Variants in SHC3 observed in about 807,000 individuals in gnomAD.
SHC3 encodes SHC adaptor protein 3.
Under a neutral mutation model 60.4 loss-of-function variants are expected in SHC3, and 15 were observed. That is an observed-to-expected ratio of 0.25 (90% confidence interval 0.17 to 0.38). SHC3 has a LOEUF of 0.38. Ranked by LOEUF, SHC3 falls within the 10% of genes least tolerant of loss-of-function variation. The probability of loss-of-function intolerance (pLI) is 1.00; values close to 1 mark genes in which losing one functional copy is unlikely to be tolerated. For missense variants in SHC3, 677 were observed against 786.1 expected (o/e 0.86, Z 1.66); for synonymous variants, 294 against 325.9 (o/e 0.90, Z 1.05).
intron 1 of SHC3, among the ~76,000 whole-genome samples, chr9:89,126,527 G>C (rs1269663592): frequency 6.6e-6 from 1 of 152,178 alleles, no homozygotes; most frequent in African/African-American, 2.4e-5. Context: ...GGGGAAACTT[G>C]AGAGCTGATG....
rs1023187853 is a variant in SHC3, at chr9:89,013,690, G to A, written c.1657-115C>T. On this transcript the variant is annotated intron_variant, in intron 11 of 11. Coordinates refer to ENST00000375835, the MANE Select transcript of SHC3 (RefSeq NM_016848.6). ...CTGGCCCAGAAGGAAAGGAGGGGGG[G>A]ACAAGGGGCTTCCACCACTTTAGAG... 4.2e-6 allele frequency: 6 copies of A among 1,421,674 alleles called. No individual in the cohort carries two copies. The African/African-American group carries it at 5.8e-5, about 14-fold the overall frequency. The allele number at this position is 1,421,674 out of a possible 1,614,324, so 88.1% of individuals were successfully genotyped here. A position where few individuals can be genotyped will look rare whatever the true frequency, so the allele number is the denominator to read the frequency against.
At chr9:89,177,570 A>G (rs1057033536) in intron 1 of SHC3, among the ~76,000 whole-genome samples, 1 of 152,168 alleles carries the variant, frequency 6.6e-6, no homozygotes, top group Admixed American at 6.5e-5. Context: ...CAGCAGGAGT[A>G]GGGCCGCCAC....
chr9:89,014,886 C>T (rs956180326), intron 11 of SHC3, among the ~76,000 whole-genome samples: 1 of 152,156 alleles, frequency 6.6e-6, no homozygotes, highest in African/African-American at 2.4e-5. Context: ...ACCATCTGCT[C>T]ATGGCTCTAC....
At chr9:89,084,440 G>C (rs1226472869) in intron 2 of SHC3, among the ~76,000 whole-genome samples, 2 of 152,172 alleles carry the variant, frequency 1.3e-5, no homozygotes, top group African/African-American at 4.8e-5. Context: ...GAAAGTGAAA[G>C]ATAAGCTCTT....
At chr9:89,096,347 C>T (rs1321736207) in intron 2 of SHC3, among the ~76,000 whole-genome samples, 5 of 152,158 alleles carry the variant, frequency 3.3e-5, no homozygotes, top group South Asian at 2.1e-4. Context: ...GAGATCTGTG[C>T]TTTGACTCAG....
chr9:89,071,309 G>A (rs1255297858), intron 4 of SHC3, 57 bp from the exon 5 acceptor site: 21 of 1,578,024 alleles, frequency 1.3e-5, no homozygotes, highest in Non-Finnish European at 1.7e-5. Flanking sequence ...CCACATTTTG[G>A]AAAAGCAACT....
In SHC3 at chr9:89,178,341, G is replaced by C. The variant is rs1269968525; in HGVS notation, c.120C>G (p.Thr40=). 6 of 1,594,790 alleles carry C rather than the reference G, an allele frequency of 3.8e-6. No individual in the cohort carries two copies. The highest frequency in any genetic ancestry group is 4.3e-6 in the Non-Finnish European group (5 of 1,172,530). The part of the protein sequence containing the change: ...GGGKVSAARA[T]PAAAPYLVSG... ...ACACCAAGTAGGGAGCCGCCGCCGGGGTCGCGCGCGCCGCCGAAACCTTGC... is the reference window on the plus strand; with the variant it reads ...ACACCAAGTAGGGAGCCGCCGCCGGCGTCGCGCGCGCCGCCGAAACCTTGC... The change falls in exon 1 of 12, where the codon ACC becomes ACG. Residue 40 remains threonine (T), a synonymous_variant. Transcript: ENST00000375835. The surrounding 1 kb of genome is among the most constrained non-coding windows in gnomAD (Gnocchi z 6.9).
At chr9:89,108,933 C>T in intron 2 of SHC3, 1 of 484,728 alleles carries the variant, frequency 2.1e-6, no homozygotes. Context: ...ATATTCAGAT[C>T]CCACTGCCCT....
chr9:89,112,199 AT>A (rs1331632944), intron 2 of SHC3, among the ~76,000 whole-genome samples: 3 of 152,102 alleles, frequency 2.0e-5, no homozygotes, highest in African/African-American at 7.2e-5. Context: ...TGACATCTTG[AT>A]TTTCTTTTTT....
intron 1 of SHC3, among the ~76,000 whole-genome samples, chr9:89,136,742 G>A (rs1245200674): frequency 1.3e-5 from 2 of 152,260 alleles, no homozygotes; most frequent in East Asian, 3.9e-4. Context: ...TTTACTCTAT[G>A]GATTTGCCTC....
At chr9:89,111,582 GAA>G (rs201550869) in intron 2 of SHC3, among the ~76,000 whole-genome samples, 19 of 134,496 alleles carry the variant, frequency 1.4e-4, no homozygotes, top group African/African-American at 4.4e-4. Context: ...TTAGGAAAGA[GAA>G]AAAAAAAAAA....
rs138519014 is a variant in SHC3, at chr9:89,046,966, C to T, written c.991G>A (p.Glu331Lys). 34 of 1,604,808 alleles carry T rather than the reference C, an allele frequency of 2.1e-5. No homozygotes were observed. Among genetic ancestry groups the T allele is most frequent in the Non-Finnish European group, 1.7e-6 (2 of 1,176,142 alleles). Residue 331 changes from glutamate to lysine, a missense_variant, in exon 8 of 12, where the codon GAA (glutamate) becomes AAA (lysine). Physicochemically the swap from Glu to Lys is moderately conservative, Grantham distance 56. Transcript: ENST00000375835. ...RMQSLDEPWT[E>K]EEGDGSDHPY... ...TGGTCTGAGCCATCTCCCTCCTCTT[C>T]CGTCCATGGCTCATCCAGACTCTGC...
chr9:89,030,882 A>G lies in SHC3; in HGVS notation c.1656+7111T>C, dbSNP rs184347007. ...GATTTGGCTTTTGCTTCCTTCTGGC[A>G]TTGTATAACTTGTTCCTCTGTCCCC... On this transcript the variant is annotated intron_variant, in intron 11 of 11. Transcript: ENST00000375835. Among the ~76,000 whole-genome samples the G allele has an allele frequency of 3.2e-3, 494 of 152,196 alleles. 2 individuals are homozygous for G. Among genetic ancestry groups the G allele is most frequent in the African/African-American group, 0.011 (459 of 41,506 alleles).
rs1349589844 is a variant in SHC3, at chr9:89,178,516, C to G, written c.-56G>C. 14 of 1,391,804 alleles carry G rather than the reference C, an allele frequency of 1.0e-5. No individual in the cohort carries two copies. The highest frequency in any genetic ancestry group is 1.3e-5 in the Non-Finnish European group (14 of 1,065,406). 86.2% of individuals were successfully genotyped at this position (1,391,804 alleles called of 1,614,324 possible). A position where few individuals can be genotyped will look rare whatever the true frequency, so the allele number is the denominator to read the frequency against. ...GGCGCTGCTGGTGCCGGCCCCGGCG[C>G]GGGCTGCCGCGCATAGCAGGCGAGC... On this transcript the variant is annotated 5_prime_UTR_variant, in exon 1 of 12. Coordinates refer to ENST00000375835, the MANE Select transcript of SHC3 (RefSeq NM_016848.6). The surrounding 1 kb of genome is among the most constrained non-coding windows in gnomAD (Gnocchi z 6.9).
intron 2 of SHC3, among the ~76,000 whole-genome samples, chr9:89,098,850 T>C (rs1825742898): frequency 6.6e-6 from 1 of 151,448 alleles, no homozygotes; most frequent in African/African-American, 2.4e-5. Flanking sequence ...TGGACACCTG[T>C]AATCTCAGCT....
intron 7 of SHC3, among the ~76,000 whole-genome samples, chr9:89,051,116 C>G (rs573460893): frequency 1.3e-5 from 2 of 152,220 alleles, no homozygotes; most frequent in East Asian, 3.9e-4. Flanking sequence ...TGAAAGAAGT[C>G]TTCATAATCA....
In SHC3 at chr9:89,085,350, A is replaced by G. The variant is rs992183021; in HGVS notation, c.546-7447T>C. Among the ~76,000 whole-genome samples the G allele has an allele frequency of 3.9e-5, 6 of 152,152 alleles. No individual in the cohort carries two copies. In the East Asian group the frequency reaches 1.2e-3, roughly 29 times the overall value. On this transcript the variant is annotated intron_variant, in intron 2 of 11. Transcript: ENST00000375835. Reference sequence around the variant, plus strand: ...GCCTTCTGTTCACTTTTCCTTGTAAAATGGCAGCTAAATCATTTCAGGTGC... The same window carrying G: ...GCCTTCTGTTCACTTTTCCTTGTAAGATGGCAGCTAAATCATTTCAGGTGC...
At chr9:89,041,293 C>G (rs1261289771) in intron 10 of SHC3, among the ~76,000 whole-genome samples, 3 of 152,174 alleles carry the variant, frequency 2.0e-5, no homozygotes, top group Non-Finnish European at 4.4e-5. Flanking sequence ...GGTACACATC[C>G]CACTATAATG....
At chr9:89,015,228 C>T (rs1012162292) in intron 11 of SHC3, among the ~76,000 whole-genome samples, 19 of 152,306 alleles carry the variant, frequency 1.2e-4, no homozygotes, top group African/African-American at 3.8e-4. Context: ...AACTTGAGAC[C>T]AGTATTGGGG....
Sources: allele counts gnomAD v4.1 joint callset (sites outside exome capture counted in the v4.1 genomes callset), GRCh38; gene constraint gnomAD v4.1.1; non-coding constraint Gnocchi (gnomAD v3.1); transcripts MANE v1.5; gene names NCBI Gene and HGNC (gene_info 2026-07-23, HGNC 2026-07-21).